The following TCF12 variants were observed in gnomAD, a reference collection of about 807,000 sequenced individuals.
TCF12 encodes transcription factor 12, also known as DNA-binding protein HTF4.
TCF12 carries 45 observed loss-of-function variants against 86.0 expected under a neutral mutation model. That is an observed-to-expected ratio of 0.52 (90% CI 0.41 to 0.67). The LOEUF is 0.67. TCF12 is among the 30% of genes least tolerant of loss of function. TCF12 has a pLI of 0.00. For synonymous variants in TCF12, 330 were observed against 299.6 expected (o/e 1.10, Z -1.05); for missense variants, 881 against 859.9 (o/e 1.02, Z -0.31).
chr15:57,250,463 T>TG (rs1406706451), intron 13 of TCF12, among the ~76,000 whole-genome samples: 1 of 152,182 alleles, frequency 6.6e-6, no homozygotes, highest in Non-Finnish European at 1.5e-5. Context: ...GCAAAATGGC[T>TG]GGCACCTGTA....
rs78909835 is a variant in TCF12 at position 57,052,790 on chromosome 15, G to T, written c.149-10960G>T. 2.9e-4 allele frequency among the ~76,000 whole-genome samples: 44 copies of T among 152,336 alleles called. No homozygotes were observed. The East Asian group carries it at 7.9e-3, about 27-fold the overall frequency. ...TTGAAGGTGATACAGAGTAAGAGCT[G>T]AATGTGGCCTTTGCTGTTAATTTGA... On this transcript the variant is annotated intron_variant, in intron 3 of 20. Coordinates refer to ENST00000333725, the MANE Select transcript of TCF12 (RefSeq NM_207037.2).
intron 9 of TCF12, among the ~76,000 whole-genome samples, chr15:57,231,879 A>G (rs1450439137): frequency 2.6e-5 from 4 of 152,212 alleles, no homozygotes; most frequent in African/African-American, 9.6e-5. Flanking sequence ...TTACTATTAG[A>G]AAAACTTCTT....
At chr15:57,141,354 T>C (rs373393045) in intron 5 of TCF12, among the ~76,000 whole-genome samples, 2 of 151,898 alleles carry the variant, frequency 1.3e-5, no homozygotes, top group East Asian at 1.9e-4. Flanking sequence ...ACTCGCTGTT[T>C]GATTGATTGA....
intron 3 of TCF12, among the ~76,000 whole-genome samples, chr15:57,001,672 T>C (rs1228067219): frequency 6.6e-6 from 1 of 152,240 alleles, no homozygotes; most frequent in Non-Finnish European, 1.5e-5. Context: ...GTCATTCATG[T>C]GTTCCACTCT....
chr15:57,251,950 T>C (rs2060136796), intron 14 of TCF12, among the ~76,000 whole-genome samples: 1 of 152,226 alleles, frequency 6.6e-6, no homozygotes, highest in Non-Finnish European at 1.5e-5. Flanking sequence ...AAACATTATT[T>C]AACAAGGCAG....
intron 8 of TCF12, among the ~76,000 whole-genome samples, chr15:57,207,901 C>A (rs1335260284): frequency 1.3e-5 from 2 of 151,908 alleles, no homozygotes; most frequent in Non-Finnish European, 1.5e-5. Flanking sequence ...CTAGTAGATT[C>A]CCAGTCAGGA....
At position 57,166,415 on chromosome 15, in the gene TCF12, G is replaced by C. The variant is rs180768505; in HGVS notation, c.339G>C (p.Glu113Asp). 107 of 1,612,148 alleles carry C rather than the reference G, an allele frequency of 6.6e-5. 1 individual carries two copies. The East Asian group carries it at 2.1e-3, about 31-fold the overall frequency. ...TTTGTTTTATAGGAAAAACATCAGA[G>C]AGAGGCTCATTTTCCCTGTACAGCA... is the stretch of plus-strand genomic sequence containing the variant. ...MNSNLMGKTS[E>D]RGSFSLYSRD... Residue 113 changes from glutamate to aspartate, a missense_variant, in exon 6 of 21, where the codon GAG (glutamate) becomes GAC (aspartate). Glu to Asp is a conservative substitution (Grantham distance 45). Transcript: ENST00000333725.
chr15:57,090,992 C>T (rs2048958795), intron 4 of TCF12, among the ~76,000 whole-genome samples: 1 of 151,964 alleles, frequency 6.6e-6, no homozygotes. Context: ...CTTTTTTCCC[C>T]TTTGCTTTAA....
intron 3 of TCF12, among the ~76,000 whole-genome samples, chr15:56,960,301 TG>T (rs1365917396): frequency 6.6e-6 from 1 of 152,226 alleles, no homozygotes; most frequent in African/African-American, 2.4e-5. Flanking sequence ...GTTCTATTTT[TG>T]TAAGTAATTT....
intron 3 of TCF12, among the ~76,000 whole-genome samples, chr15:56,945,127 T>G (rs1319335000): frequency 1.3e-5 from 2 of 152,178 alleles, no homozygotes; most frequent in African/African-American, 4.8e-5. Flanking sequence ...CTTTTCCAAT[T>G]GTTTGTTGCT....
rs2703595 is a variant in TCF12, at chr15:57,198,092, A to G, written c.579+267A>G. On this transcript the variant is annotated intron_variant, in intron 8 of 20. Coordinates refer to ENST00000333725, the MANE Select transcript of TCF12 (RefSeq NM_207037.2). Reference sequence around the variant, plus strand: ...CCCCTCTTGGGAAGAGGACTAGGCCAGTAGCTGTCAAAGATGATCTCCTAT... The same window carrying G: ...CCCCTCTTGGGAAGAGGACTAGGCCGGTAGCTGTCAAAGATGATCTCCTAT... Among the ~76,000 whole-genome samples, 106,107 of 152,056 alleles carry G rather than the reference A, an allele frequency of 0.7. 38,077 individuals are homozygous for G. Among genetic ancestry groups the G allele is most frequent in the East Asian group, 0.82 (4,259 of 5,176 alleles).
At position 57,243,524 on chromosome 15, in the gene TCF12, C is replaced by G. The variant is rs768306018; in HGVS notation, c.1088C>G (p.Pro363Arg). 1.2e-6 allele frequency: 2 copies of G among 1,613,876 alleles called. No homozygotes were observed. The highest frequency in any genetic ancestry group is 1.7e-6 in the Non-Finnish European group (2 of 1,179,878). Reference sequence around the variant, plus strand: ...AGTTTTCCGTCAAATCCATCAACACCAGTTGGATCACCTTCACCTCTCACA... The same window carrying G: ...AGTTTTCCGTCAAATCCATCAACACGAGTTGGATCACCTTCACCTCTCACA... ...SSSFPSNPST[P>R]VGSPSPLTGT... is the part of the protein sequence containing the mutation. The change falls in exon 13 of 21, where the codon CCA becomes CGA. Residue 363 changes from proline to arginine, a missense_variant. Coordinates refer to ENST00000333725, the MANE Select transcript of TCF12 (RefSeq NM_207037.2).
At chr15:57,143,568 G>GA (rs1281886268) in intron 5 of TCF12, among the ~76,000 whole-genome samples, 1 of 152,052 alleles carries the variant, frequency 6.6e-6, no homozygotes. Context: ...TATAGAGAAG[G>GA]AAAAAAATCT....
At chr15:57,093,417 A>G (rs754234430) in intron 5 of TCF12, among the ~76,000 whole-genome samples, 85 of 152,342 alleles carry the variant, frequency 5.6e-4, no homozygotes, top group Non-Finnish European at 9.7e-4. Context: ...AATTGAGAAT[A>G]TAACTCTGAA....
intron 8 of TCF12, among the ~76,000 whole-genome samples, chr15:57,222,902 CACAA>C (rs779696696): frequency 3.3e-4 from 49 of 150,060 alleles, no homozygotes; most frequent in Middle Eastern, 6.9e-3. Context: ...AAAATTGCCA[CACAA>C]ACAGACATGA....
chr15:57,148,701 CAAA>C (rs61526953), intron 5 of TCF12, among the ~76,000 whole-genome samples: 4 of 124,342 alleles, frequency 3.2e-5, no homozygotes, highest in African/African-American at 9.1e-5. Flanking sequence ...GGTGACGTGG[CAAA>C]AAAAAAAAAA....
At chr15:57,193,449 G>A (rs1323069869) in intron 7 of TCF12, among the ~76,000 whole-genome samples, 1 of 152,154 alleles carries the variant, frequency 6.6e-6, no homozygotes, top group Non-Finnish European at 1.5e-5. Flanking sequence ...CTTACACATA[G>A]CCTAACCAGG....
chr15:56,927,477 A>G (rs1247521209), intron 3 of TCF12, among the ~76,000 whole-genome samples: 1 of 152,180 alleles, frequency 6.6e-6, no homozygotes, highest in African/African-American at 2.4e-5. Flanking sequence ...TGTTTCACTT[A>G]ATCTTCTACC....
chr15:57,232,446 TGA>T lies in TCF12; in HGVS notation c.825+17_825+18del, dbSNP rs776863124. 4 of 1,587,392 alleles carry T rather than the reference TGA, an allele frequency of 2.5e-6. No individual in the cohort carries two copies. In the African/African-American group the frequency reaches 5.5e-5, roughly 22 times the overall value. On this transcript the variant is annotated intron_variant, in intron 10 of 20. Transcript: ENST00000333725. Reference sequence around the variant, plus strand: ...TGACCGCTTGGTAGGCTATAACACGTGACTAGGGTACAGCAACACTTTGTCCT... The same window carrying T: ...TGACCGCTTGGTAGGCTATAACACGTCTAGGGTACAGCAACACTTTGTCCT...
Sources: gnomAD v4.1 joint callset for allele counts (sites outside exome capture counted in the v4.1 genomes callset) on GRCh38, gnomAD v4.1.1 for gene constraint, MANE v1.5 for transcripts, NCBI Gene and HGNC (gene_info 2026-07-23, HGNC 2026-07-21) for gene names.